SLC35F3: variants seen among roughly 807,000 people sequenced by gnomAD.
The protein encoded by SLC35F3 is putative thiamine transporter SLC35F3.
In SLC35F3, 25 loss-of-function variants were observed where a neutral mutation model predicts 49.9. That is an observed-to-expected ratio of 0.50 (90% CI 0.37 to 0.70). SLC35F3 has a LOEUF of 0.70. Ranked by LOEUF, SLC35F3 falls within the 30% of genes least tolerant of loss-of-function variation. SLC35F3 has a pLI of 0.00. For missense variants in SLC35F3, 525 were observed against 639.8 expected, an observed-to-expected ratio of 0.82 and a Z score of 1.94; for synonymous variants, 275 against 265.4, an observed-to-expected ratio of 1.04 and a Z score of -0.35.
chr1:234,215,694 A>C (rs938165325), intron 2 of SLC35F3, among the ~76,000 whole-genome samples: 4 of 152,190 alleles, frequency 2.6e-5, no homozygotes, highest in Non-Finnish European at 4.4e-5. Context: ...ATTACAATGA[A>C]TCTCAGAACC....
intron 2 of SLC35F3, among the ~76,000 whole-genome samples, chr1:234,100,700 A>G (rs1472503977): frequency 1.3e-5 from 2 of 152,206 alleles, no homozygotes; most frequent in Admixed American, 1.3e-4. Context: ...GACTAAAAGG[A>G]ATAGAGGGAC....
At chr1:234,143,095 A>C (rs763710899) in intron 2 of SLC35F3, among the ~76,000 whole-genome samples, 13 of 152,190 alleles carry the variant, frequency 8.5e-5, no homozygotes, top group Middle Eastern at 3.4e-3. Flanking sequence ...CGGTATAGGC[A>C]CAATATTATT....
At chr1:234,093,901 A>G (rs533705928) in intron 2 of SLC35F3, among the ~76,000 whole-genome samples, 1 of 152,388 alleles carries the variant, frequency 6.6e-6, no homozygotes, top group East Asian at 1.9e-4. Context: ...ACACTCTTGG[A>G]GAGGGAGTCT....
intron 2 of SLC35F3, among the ~76,000 whole-genome samples, chr1:234,202,805 T>C (rs958293930): frequency 3.9e-5 from 6 of 152,218 alleles, no homozygotes; most frequent in African/African-American, 1.4e-4. Flanking sequence ...AAAAACCTTA[T>C]GTCAGCTGAA....
intron 2 of SLC35F3, among the ~76,000 whole-genome samples, chr1:234,159,331 C>T (rs141486798): frequency 7.1e-4 from 108 of 152,266 alleles, no homozygotes; most frequent in African/African-American, 2.3e-3. Flanking sequence ...GTATCCAGCA[C>T]TTTGGGAGAC....
intron 2 of SLC35F3, among the ~76,000 whole-genome samples, chr1:234,053,789 C>T (rs923514518): frequency 2.6e-5 from 4 of 152,164 alleles, no homozygotes; most frequent in Admixed American, 6.5e-5. Context: ...CCATTTGTTC[C>T]TTTCCATGTT....
intron 2 of SLC35F3, among the ~76,000 whole-genome samples, chr1:234,149,232 A>G (rs545457535): frequency 6.6e-6 from 1 of 152,228 alleles, no homozygotes; most frequent in African/African-American, 2.4e-5. Flanking sequence ...CCTTGGGGAC[A>G]TAAAATACCC....
intron 3 of SLC35F3, among the ~76,000 whole-genome samples, chr1:234,284,577 C>T (rs10910405): frequency 0.27 from 41,401 of 152,018 alleles, 5,867 homozygotes; most frequent in African/African-American, 0.32. Context: ...TGTTGGAAGA[C>T]GTAAAAGAGA....
chr1:233,931,233 A>C (rs1310506946), intron 2 of SLC35F3, among the ~76,000 whole-genome samples: 1 of 152,226 alleles, frequency 6.6e-6, no homozygotes, highest in Non-Finnish European at 1.5e-5. Context: ...ATGGGCAAAG[A>C]CTTCATGTCT....
In SLC35F3 at chr1:234,163,316, T is replaced by C. The variant is rs185680185; in HGVS notation, c.284-68101T>C. Among the ~76,000 whole-genome samples the C allele has an allele frequency of 4.1e-4, 62 of 152,346 alleles. No homozygotes were observed. The East Asian group carries it at 9.4e-3, about 23-fold the overall frequency. ...TCGGTGATGCAGTGCACCTCTTGTT[T>C]GCTGGATTCTGAGTGTTAGGGAGAA... On this transcript the variant is annotated intron_variant, in intron 2 of 7. Coordinates refer to ENST00000366618, the MANE Select transcript of SLC35F3 (RefSeq NM_173508.4).
At chr1:234,247,163 G>A (rs991517673) in intron 3 of SLC35F3, among the ~76,000 whole-genome samples, 3 of 152,096 alleles carry the variant, frequency 2.0e-5, no homozygotes, top group African/African-American at 7.2e-5. Context: ...CTAGGTGCTT[G>A]AAACAAAAAA....
At chr1:234,267,414 G>C (rs1185597557) in intron 3 of SLC35F3, among the ~76,000 whole-genome samples, 7 of 139,938 alleles carry the variant, frequency 5.0e-5, no homozygotes, top group East Asian at 2.2e-4. Flanking sequence ...AGACGGGGTC[G>C]TGGCCGGGCA....
At chr1:234,268,501 A>G (rs968056779) in intron 3 of SLC35F3, 7 of 152,356 alleles carry the variant, frequency 4.6e-5, no homozygotes, top group African/African-American at 1.4e-4. Flanking sequence ...GAGAAAGCAC[A>G]TGGTTATATA....
At chr1:234,167,176 C>A (rs1369171656) in intron 2 of SLC35F3, among the ~76,000 whole-genome samples, 1 of 152,242 alleles carries the variant, frequency 6.6e-6, no homozygotes, top group Non-Finnish European at 1.5e-5. Context: ...GCAAGTCCCT[C>A]ACACCCTCTC....
At chr1:234,310,271 G>A (rs1231525025) in intron 4 of SLC35F3, among the ~76,000 whole-genome samples, 1 of 152,142 alleles carries the variant, frequency 6.6e-6, no homozygotes, top group East Asian at 1.9e-4. Context: ...TTGAGGGGCA[G>A]TCCCATGAAA....
chr1:233,911,409 GAGTT>G (rs1182931290), intron 2 of SLC35F3, among the ~76,000 whole-genome samples: 1 of 152,180 alleles, frequency 6.6e-6, no homozygotes, highest in Non-Finnish European at 1.5e-5. Context: ...TAAAAGAAAA[GAGTT>G]AGAGGGCTTG....
intron 2 of SLC35F3, among the ~76,000 whole-genome samples, chr1:234,134,450 TTAAA>T (rs1220419016): frequency 6.7e-6 from 1 of 148,478 alleles, no homozygotes; most frequent in African/African-American, 2.4e-5. Flanking sequence ...AATATCCAAA[TTAAA>T]TATGTATATT....
intron 2 of SLC35F3, among the ~76,000 whole-genome samples, chr1:234,197,659 A>G (rs1417097901): frequency 1.3e-5 from 2 of 152,240 alleles, no homozygotes; most frequent in Non-Finnish European, 2.9e-5. Context: ...ACCCCAGGGT[A>G]GAGGGTGGCA....
At chr1:234,073,829 G>A (rs552593928) in intron 2 of SLC35F3, among the ~76,000 whole-genome samples, 131 of 151,954 alleles carry the variant, frequency 8.6e-4, no homozygotes, top group Non-Finnish European at 1.6e-3. Flanking sequence ...GTTTGATGTC[G>A]TACTTGCTTC....
Sources: allele counts gnomAD v4.1 joint callset (sites outside exome capture counted in the v4.1 genomes callset), GRCh38; gene constraint gnomAD v4.1.1; transcripts MANE v1.5; gene names NCBI Gene and HGNC (gene_info 2026-07-23, HGNC 2026-07-21).